SUGCT: variants seen among roughly 807,000 people sequenced by gnomAD.
The protein encoded by SUGCT is succinyl-CoA:glutarate-CoA transferase, also known as succinyl-CoA:glutarate CoA-transferase.
A neutral mutation model predicts 55.0 loss-of-function variants in SUGCT; 41 were observed. The observed-to-expected ratio is 0.74, with a 90% CI of 0.58 to 0.97. The LOEUF is 0.97. SUGCT is among the 50% of genes least tolerant of loss of function. The probability of loss-of-function intolerance (pLI) is 0.00; values close to 1 mark genes in which losing one functional copy is unlikely to be tolerated. For missense variants in SUGCT, 568 were observed against 547.8 expected, an observed-to-expected ratio of 1.04 and a Z score of -0.37; for synonymous variants, 187 against 200.4, an observed-to-expected ratio of 0.93 and a Z score of 0.56.
At chr7:40,482,124 A>G (rs1378616133) in intron 11 of SUGCT, among the ~76,000 whole-genome samples, 7 of 152,304 alleles carry the variant, frequency 4.6e-5, no homozygotes, top group African/African-American at 1.7e-4. Flanking sequence ...AAGATCATGT[A>G]TAGAGCTGTA....
chr7:40,814,348 G>A (rs898014112), intron 13 of SUGCT, among the ~76,000 whole-genome samples: 1 of 151,944 alleles, frequency 6.6e-6, no homozygotes, highest in Non-Finnish European at 1.5e-5. Flanking sequence ...TCATTTGTAA[G>A]TTTGGTCACT....
At chr7:40,768,729 A>G (rs1470198898) in intron 13 of SUGCT, among the ~76,000 whole-genome samples, 3 of 152,210 alleles carry the variant, frequency 2.0e-5, no homozygotes, top group African/African-American at 4.8e-5. Flanking sequence ...ATGTTTTCGT[A>G]TCATGGTTGA....
intron 9 of SUGCT, among the ~76,000 whole-genome samples, chr7:40,377,204 T>TTTCTTTC (rs1554326875): frequency 2.5e-4 from 3 of 11,854 alleles, no homozygotes; most frequent in Non-Finnish European, 5.2e-4. Flanking sequence ...CTTTCTTTTC[T>TTTCTTTC]TTTCTTTTCT....
intron 13 of SUGCT, among the ~76,000 whole-genome samples, chr7:40,829,463 A>C (rs191104255): frequency 5.3e-5 from 8 of 152,216 alleles, no homozygotes; most frequent in Non-Finnish European, 7.3e-5. Context: ...CCTGCCATCA[A>C]TTGCAAAGTG....
intron 9 of SUGCT, among the ~76,000 whole-genome samples, chr7:40,446,876 C>T (rs1788868258): frequency 6.6e-6 from 1 of 152,168 alleles, no homozygotes; most frequent in Admixed American, 6.5e-5. Context: ...AGCCACTAGC[C>T]ACACGTGGCT....
intron 7 of SUGCT, among the ~76,000 whole-genome samples, chr7:40,248,888 G>GCACACACACACACACA (rs34780979): frequency 1.5e-5 from 2 of 135,522 alleles, no homozygotes; most frequent in Admixed American, 7.2e-5. Flanking sequence ...GCGCGCGCTC[G>GCACACACACACACACA]CACACACACA....
At chr7:40,550,491 A>G (rs1204299937) in intron 12 of SUGCT, among the ~76,000 whole-genome samples, 1 of 152,186 alleles carries the variant, frequency 6.6e-6, no homozygotes, top group Non-Finnish European at 1.5e-5. Context: ...GGCAGATTCC[A>G]TCAAGAACTG....
chr7:40,268,470 A>T (rs112613958), intron 7 of SUGCT, among the ~76,000 whole-genome samples: 2 of 152,170 alleles, frequency 1.3e-5, no homozygotes, highest in Non-Finnish European at 2.9e-5. Context: ...GTATTGTATT[A>T]GTAGAATAGT....
At chr7:40,227,650 G>A (rs948234273) in intron 6 of SUGCT, among the ~76,000 whole-genome samples, 13 of 151,432 alleles carry the variant, frequency 8.6e-5, no homozygotes, top group East Asian at 1.9e-4. Flanking sequence ...AGTTGTATAC[G>A]TCTCAATTAT....
chr7:40,225,290 A>G (rs10951627), intron 6 of SUGCT, among the ~76,000 whole-genome samples: 58,761 of 151,920 alleles, frequency 0.39, 12,757 homozygotes, highest in Middle Eastern at 0.59. Context: ...GCTTCTTAGT[A>G]TTACATTTCA....
Position 40,194,995 on chromosome 7 carries a change from C to A in SUGCT, c.419C>A (p.Ala140Glu), listed in dbSNP as rs764290769. The A allele has an allele frequency of 6.2e-7, 1 of 1,613,862 alleles. No homozygotes were observed. Among genetic ancestry groups the A allele is most frequent in the Admixed American group, 1.7e-5 (1 of 60,012 alleles). Residue 140 changes from alanine to glutamate, a missense_variant, in exon 6 of 14, where the codon GCA becomes GAA. Ala to Glu is a moderately radical substitution (Grantham distance 107, BLOSUM62 -1). Transcript: ENST00000335693. Reference sequence around the variant, plus strand: ...AACTATGTCCCTGGCAAACTGTCTGCAATGGGCCTGGGATATGAAGATATA... The same window carrying A: ...AACTATGTCCCTGGCAAACTGTCTGAAATGGGCCTGGGATATGAAGATATA... ...VENYVPGKLSAMGLGYEDIDE... is the reference protein window; with the variant it reads ...VENYVPGKLSEMGLGYEDIDE...
At chr7:40,863,894 T>C (rs1794535766), downstream of SUGCT, among the ~76,000 whole-genome samples, 1 of 152,034 alleles carries the variant, frequency 6.6e-6, no homozygotes, top group Non-Finnish European at 1.5e-5. Context: ...TACTGGTGCA[T>C]GTGTTTGATA....
chr7:40,972,239 A>G, the SUGCT span, among the ~76,000 whole-genome samples: 2 of 152,210 alleles, frequency 1.3e-5, no homozygotes, highest in Admixed American at 6.5e-5. Flanking sequence ...TCTATGTACC[A>G]CAATTAACTT....
intron 9 of SUGCT, among the ~76,000 whole-genome samples, chr7:40,374,704 A>G (rs1784458416): frequency 6.6e-6 from 1 of 152,148 alleles, no homozygotes; most frequent in African/African-American, 2.4e-5. Flanking sequence ...CTCAGTGTCT[A>G]CCACTCTGCT....
intron 12 of SUGCT, among the ~76,000 whole-genome samples, chr7:40,497,606 G>T (rs1417870468): frequency 6.6e-6 from 1 of 152,196 alleles, no homozygotes. Flanking sequence ...TTACAAGGAG[G>T]TAGCATTGTG....
At chr7:40,327,837 T>C (rs1449836292) in intron 9 of SUGCT, among the ~76,000 whole-genome samples, 1 of 152,242 alleles carries the variant, frequency 6.6e-6, no homozygotes, top group Non-Finnish European at 1.5e-5. Flanking sequence ...GTAACATTTA[T>C]CAATGATTAC....
intron 9 of SUGCT, among the ~76,000 whole-genome samples, chr7:40,396,396 TG>T (rs1785733959): frequency 6.6e-6 from 1 of 152,188 alleles, no homozygotes; most frequent in Admixed American, 6.5e-5. Context: ...GAATAAGCCG[TG>T]CTTCTGTGTG....
At chr7:40,502,925 A>G (rs975659586) in intron 12 of SUGCT, among the ~76,000 whole-genome samples, 1 of 152,160 alleles carries the variant, frequency 6.6e-6, no homozygotes. Flanking sequence ...AAAGTCCTAT[A>G]TGGAGTACGT....
At chr7:40,174,998 T>G (rs1289710192) in intron 1 of SUGCT, among the ~76,000 whole-genome samples, 1 of 152,190 alleles carries the variant, frequency 6.6e-6, no homozygotes, top group Non-Finnish European at 1.5e-5. Flanking sequence ...TTATTTTAAG[T>G]GGAATTGCTA....
Sources: gnomAD v4.1 joint callset for allele counts (sites outside exome capture counted in the v4.1 genomes callset) on GRCh38, gnomAD v4.1.1 for gene constraint, MANE v1.5 for transcripts, NCBI Gene and HGNC (gene_info 2026-07-23, HGNC 2026-07-21) for gene names.